USP54: variants seen among roughly 807,000 people sequenced by gnomAD.
The protein encoded by USP54 is ubiquitin carboxyl-terminal hydrolase 54.
In USP54, 87 loss-of-function variants were observed where a neutral mutation model predicts 170.5. The ratio of observed to expected loss-of-function variants is 0.51; its 90% confidence interval spans 0.43 to 0.61. The LOEUF (loss-of-function observed/expected upper bound fraction) is 0.61. Ranked by LOEUF, USP54 falls within the 20% of genes least tolerant of loss-of-function variation. The probability of loss-of-function intolerance (pLI) is 0.00; values close to 1 mark genes in which losing one functional copy is unlikely to be tolerated. For synonymous variants in USP54, 655 were observed against 742.8 expected, an observed-to-expected ratio of 0.88 and a Z score of 1.92; for missense variants, 1,786 against 2,047.8, an observed-to-expected ratio of 0.87 and a Z score of 2.47.
At chr10:73,606,514 T>C (rs2079643172) in intron 1 of USP54, 1 of 152,062 alleles carries the variant, frequency 6.6e-6, no homozygotes, top group East Asian at 1.9e-4. Flanking sequence ...AAATTCAAAT[T>C]CAAATAAACA....
chr10:73,622,602 G>A (rs1297354523), intron 1 of USP54, among the ~76,000 whole-genome samples: 1 of 151,996 alleles, frequency 6.6e-6, no homozygotes, highest in African/African-American at 2.4e-5. Context: ...GTGATGACAG[G>A]CCTGAGCTAC....
chr10:73,598,993 C>T (rs762956190), intron 1 of USP54, among the ~76,000 whole-genome samples: 5 of 152,082 alleles, frequency 3.3e-5, no homozygotes, highest in Non-Finnish European at 7.3e-5. Flanking sequence ...GCAGGAGAAT[C>T]GTTGGAACCC....
intron 4 of USP54, among the ~76,000 whole-genome samples, chr10:73,563,190 G>A (rs369642376): frequency 3.3e-5 from 5 of 152,226 alleles, no homozygotes; most frequent in African/African-American, 9.6e-5. Flanking sequence ...CCTGAGCTCA[G>A]CGATCCTCCT....
In USP54 at chr10:73,517,462, A is replaced by C; in HGVS notation, c.2964T>G (p.Ser988Arg). The C allele has an allele frequency of 6.2e-7, 1 of 1,614,214 alleles. No homozygotes were observed. Among genetic ancestry groups the C allele is most frequent in the Non-Finnish European group, 8.5e-7 (1 of 1,180,028 alleles). ...PGWTEKNSHHSWEPLDAPEGK... is the reference protein window; with the variant it reads ...PGWTEKNSHHRWEPLDAPEGK... ...CCTCTGGGGCATCCAATGGCTCCCAACTATGATGAGAATTCTTCTCAGTCC... is the reference window on the plus strand; with the variant it reads ...CCTCTGGGGCATCCAATGGCTCCCACCTATGATGAGAATTCTTCTCAGTCC... Residue 988 changes from serine to arginine, a missense_variant, in exon 20 of 24, where the codon AGT (serine) becomes AGG (arginine). Around this residue, in one of 3 missense-constraint regions of USP54, gnomAD observed 1,418 missense variants for 1,569.0 expected, o/e 0.90. Coordinates refer to ENST00000687698, the MANE Select transcript of USP54 (RefSeq NM_001391956.1).
intron 1 of USP54, among the ~76,000 whole-genome samples, chr10:73,605,608 G>A (rs1242715877): frequency 6.6e-6 from 1 of 152,158 alleles, no homozygotes; most frequent in Non-Finnish European, 1.5e-5. Flanking sequence ...AGCCACCTAA[G>A]AGAACAGGTA....
chr10:73,553,334 A>G (rs139203148), intron 4 of USP54: 2 of 152,180 alleles, frequency 1.3e-5, no homozygotes, highest in East Asian at 1.9e-4. Context: ...TTGCTCTGCT[A>G]TTGTTAGGAA....
chr10:73,620,132 G>A (rs746776445), intron 1 of USP54, among the ~76,000 whole-genome samples: 5 of 150,042 alleles, frequency 3.3e-5, no homozygotes, highest in Non-Finnish European at 5.9e-5. Flanking sequence ...GACCAATATG[G>A]TGAAACTCTG....
In USP54 at chr10:73,529,838, C is replaced by A; in HGVS notation, c.1902G>T (p.Gln634His). ...YDIKFGGPSP[Q>H]YKRWGPARPG... ...GCCGTGCTGGGCCCCAGCGCTTGTACTGGGGGCTTGGTCCACCAAATTTAA... is the reference window on the plus strand; with the variant it reads ...GCCGTGCTGGGCCCCAGCGCTTGTAATGGGGGCTTGGTCCACCAAATTTAA... The change falls in exon 15 of 24, where the codon CAG becomes CAT. Residue 634 changes from glutamine to histidine, a missense_variant. Gln to His is a conservative substitution (Grantham distance 24, BLOSUM62 0). Coordinates refer to ENST00000687698, the MANE Select transcript of USP54 (RefSeq NM_001391956.1). The A allele has an allele frequency of 6.3e-7, 1 of 1,595,164 alleles. No individual in the cohort carries two copies. The highest frequency in any genetic ancestry group is 1.1e-5 in the South Asian group (1 of 88,432).
At chr10:73,550,669 A>G (rs2069060352) in intron 4 of USP54, among the ~76,000 whole-genome samples, 1 of 151,026 alleles carries the variant, frequency 6.6e-6, no homozygotes, top group Non-Finnish European at 1.5e-5. Context: ...TGATGCAGGT[A>G]GATCTAAGGG....
chr10:73,567,933 A>G (rs1427560091), intron 4 of USP54, among the ~76,000 whole-genome samples: 2 of 152,102 alleles, frequency 1.3e-5, no homozygotes, highest in Non-Finnish European at 2.9e-5. Flanking sequence ...ATTTTTTTAG[A>G]GACAGGATCT....
rs1242454515 is a variant in USP54, at chr10:73,497,702, C to T, written c.*927G>A. On this transcript the variant is annotated 3_prime_UTR_variant, in exon 24 of 24. Transcript: ENST00000687698. ...CAGAAGGCTGTGTTAGTGTGCCTGA[C>T]TCCATCTGTTCAAAAGGGTGAATGT... 1 of 152,286 alleles carries T rather than the reference C, an allele frequency of 6.6e-6. No individual in the cohort carries two copies. The highest frequency in any genetic ancestry group is 1.5e-5 in the Non-Finnish European group (1 of 68,076). The allele number at this position is 152,286 out of a possible 1,614,324, so 9.4% of individuals were successfully genotyped here. A position where few individuals can be genotyped will look rare whatever the true frequency, so the allele number is the denominator to read the frequency against.
At chr10:73,531,788 G>A (rs2064025208) in intron 12 of USP54, among the ~76,000 whole-genome samples, 4 of 152,148 alleles carry the variant, frequency 2.6e-5, no homozygotes, top group Admixed American at 2.0e-4. Flanking sequence ...GGAGAGCTGG[G>A]CTCTTTTATG....
At chr10:73,527,110 C>T (rs2063014486) in intron 15 of USP54, among the ~76,000 whole-genome samples, 1 of 152,166 alleles carries the variant, frequency 6.6e-6, no homozygotes, top group African/African-American at 2.4e-5. Flanking sequence ...TCAACAGGAT[C>T]CTGTGGACAG....
chr10:73,552,776 G>C (rs926927945), intron 4 of USP54, among the ~76,000 whole-genome samples: 3 of 152,186 alleles, frequency 2.0e-5, no homozygotes, highest in Admixed American at 6.5e-5. Context: ...GGACGACAGA[G>C]TGAGACTCTG....
intron 1 of USP54, among the ~76,000 whole-genome samples, chr10:73,616,815 A>G (rs1307581041): frequency 6.7e-6 from 1 of 150,216 alleles, no homozygotes; most frequent in African/African-American, 2.5e-5. Context: ...ACAGAGAGAG[A>G]CTCTGTCTCA....
intron 10 of USP54, among the ~76,000 whole-genome samples, chr10:73,538,900 T>G (rs2065904761): frequency 6.6e-6 from 1 of 152,144 alleles, no homozygotes; most frequent in Non-Finnish European, 1.5e-5. Context: ...TAATAGAAGA[T>G]ACATTGTTCC....
chr10:73,580,167 T>C (rs898708589), intron 1 of USP54, among the ~76,000 whole-genome samples: 1 of 151,154 alleles, frequency 6.6e-6, no homozygotes, highest in African/African-American at 2.4e-5. Context: ...CTACTAAAAA[T>C]ACAAAAATTA....
rs539035156 is a variant in USP54 at position 73,582,257 on chromosome 10, A to G, written c.-581-5896T>C. Among the ~76,000 whole-genome samples the G allele has an allele frequency of 1.4e-4, 22 of 152,360 alleles. No individual in the cohort carries two copies. The South Asian group carries it at 4.3e-3, about 30-fold the overall frequency. ...CCAGAGAGCTACAGGTTATTAGCATAAGAGATTCATTATGAGCAGAGCTAG... is the reference window on the plus strand; with the variant it reads ...CCAGAGAGCTACAGGTTATTAGCATGAGAGATTCATTATGAGCAGAGCTAG... On this transcript the variant is annotated intron_variant, in intron 1 of 23. Coordinates refer to ENST00000687698, the MANE Select transcript of USP54 (RefSeq NM_001391956.1).
intron 4 of USP54, among the ~76,000 whole-genome samples, chr10:73,568,102 G>A (rs2074258533): frequency 6.6e-6 from 1 of 151,832 alleles, no homozygotes; most frequent in Non-Finnish European, 1.5e-5. Flanking sequence ...TTGTAGAGAT[G>A]GGGTCTTGCT....
Sources: gnomAD v4.1 joint callset for allele counts (sites outside exome capture counted in the v4.1 genomes callset) on GRCh38, gnomAD v4.1.1 for gene constraint, gnomAD v4.1.1 regional missense constraint, MANE v1.5 for transcripts, NCBI Gene and HGNC (gene_info 2026-07-23, HGNC 2026-07-21) for gene names.